The following ATXN7L1 variants were observed in gnomAD, a reference collection of about 807,000 sequenced individuals.
ATXN7L1 encodes ataxin-7-like protein 1.
A neutral mutation model predicts 70.8 loss-of-function variants in ATXN7L1; 15 were observed. That is an observed-to-expected ratio of 0.21 (90% CI 0.14 to 0.33). The LOEUF (loss-of-function observed/expected upper bound fraction) is 0.33, where lower values mean the gene tolerates loss of function less well. ATXN7L1 is among the 10% of genes least tolerant of loss of function. The pLI, the probability that ATXN7L1 is intolerant of heterozygous loss-of-function variation, is 1.00. For synonymous variants in ATXN7L1, 440 were observed against 445.1 expected, an observed-to-expected ratio of 0.99 and a Z score of 0.14; for missense variants, 975 against 1,097.1, an observed-to-expected ratio of 0.89 and a Z score of 1.57.
rs191211726 is a variant in ATXN7L1 at position 105,855,592 on chromosome 7, G to C, written c.250+20220C>G. Among the ~76,000 whole-genome samples the C allele has an allele frequency of 8.5e-5, 13 of 152,166 alleles. No homozygotes were observed. In the East Asian group the frequency reaches 2.3e-3, roughly 27 times the overall value. On this transcript the variant is annotated intron_variant, in intron 2 of 11. Coordinates refer to ENST00000419735, the MANE Select transcript of ATXN7L1 (RefSeq NM_020725.2). The stretch of plus-strand genomic sequence containing the variant: ...TCAGGGCATGATTTATTATTTTTTT[G>C]ATTATCAAAATTTAAGAAAGTGATG...
chr7:105,834,882 A>G (rs1812134847), intron 2 of ATXN7L1, among the ~76,000 whole-genome samples: 1 of 152,072 alleles, frequency 6.6e-6, no homozygotes, highest in South Asian at 2.1e-4. Flanking sequence ...CTGCAGACGA[A>G]ACGCAATCTA....
chr7:105,762,589 G>T (rs1800695853), intron 3 of ATXN7L1, among the ~76,000 whole-genome samples: 1 of 152,096 alleles, frequency 6.6e-6, no homozygotes, highest in African/African-American at 2.4e-5. Flanking sequence ...GCCCAATCAG[G>T]TGCATCCCTA....
chr7:105,870,565 TTCTG>T (rs1023370980), intron 2 of ATXN7L1, among the ~76,000 whole-genome samples: 37 of 152,324 alleles, frequency 2.4e-4, no homozygotes, highest in African/African-American at 8.4e-4. Context: ...CCTTATTCTT[TTCTG>T]TCTTATAGTT....
intron 3 of ATXN7L1, among the ~76,000 whole-genome samples, chr7:105,764,178 A>T (rs1259009672): frequency 1.3e-5 from 2 of 152,176 alleles, no homozygotes; most frequent in Non-Finnish European, 1.5e-5. Flanking sequence ...AAAACAAAAA[A>T]ATCCAGGTAG....
At chr7:105,823,916 T>G (rs563638588) in intron 2 of ATXN7L1, among the ~76,000 whole-genome samples, 8 of 152,078 alleles carry the variant, frequency 5.3e-5, no homozygotes, top group African/African-American at 1.7e-4. Context: ...GCAGGGGTAA[T>G]GTGAGGGGAG....
chr7:105,754,064 T>C (rs902945822), intron 3 of ATXN7L1, among the ~76,000 whole-genome samples: 6 of 152,136 alleles, frequency 3.9e-5, no homozygotes, highest in Non-Finnish European at 8.8e-5. Flanking sequence ...TAGCACAAAT[T>C]AGACAATCTG....
At chr7:105,832,521 T>G (rs1811758439) in intron 2 of ATXN7L1, among the ~76,000 whole-genome samples, 1 of 152,216 alleles carries the variant, frequency 6.6e-6, no homozygotes, top group Non-Finnish European at 1.5e-5. Flanking sequence ...TTCCAAAGTC[T>G]GAATAATTCT....
At position 105,614,249 on chromosome 7, in the gene ATXN7L1, A is replaced by G; in HGVS notation, c.2085T>C (p.Tyr695=). The G allele has an allele frequency of 6.4e-7, 1 of 1,551,758 alleles. No individual in the cohort carries two copies. Among genetic ancestry groups the G allele is most frequent in the East Asian group, 2.4e-5 (1 of 40,916 alleles). Residue 695 remains tyrosine (Y), a synonymous_variant, in exon 10 of 12, where the codon TAT becomes TAC. Transcript: ENST00000419735. This position sits in a 1 kb window ranked among gnomAD's most constrained non-coding sequence, Gnocchi z 4.3. ...TTGAGTTGTGCACAGACAGGCTGTT[A>G]TAGGGAGGGGCCGCCTGATAGGAGT... ...ALNSYQAAPP[Y]NSLSVHNSNN... is the part of the protein sequence containing the mutation.
intron 3 of ATXN7L1, chr7:105,760,357 A>G: frequency 1.1e-6 from 1 of 916,894 alleles, no homozygotes; most frequent in South Asian, 5.0e-5. Context: ...ATTATTTTAT[A>G]TATGAGGAAA....
chr7:105,693,550 T>A (rs1226364679), intron 3 of ATXN7L1, among the ~76,000 whole-genome samples: 3 of 103,680 alleles, frequency 2.9e-5, no homozygotes, highest in Non-Finnish European at 6.1e-5. Context: ...CATCCATCCA[T>A]CCATCCATCC....
chr7:105,651,194 CAT>C (rs939091981), intron 4 of ATXN7L1, among the ~76,000 whole-genome samples: 1 of 152,216 alleles, frequency 6.6e-6, no homozygotes, highest in African/African-American at 2.4e-5. Context: ...CCCACACAAA[CAT>C]ATGTGGCTGC....
intron 9 of ATXN7L1, among the ~76,000 whole-genome samples, chr7:105,619,544 TTTTTTTTTTTTTTTTTTTTTTTTA>T (rs1794620745): frequency 7.1e-5 from 1 of 14,122 alleles, no homozygotes; most frequent in Non-Finnish European, 1.6e-4. Context: ...TTTTTTTTTT[TTTTTTTTTTTTTTTTTTTTTTTTA>T]AGAGAGAGGG....
chr7:105,774,970 T>C (rs1018647131), intron 3 of ATXN7L1, among the ~76,000 whole-genome samples: 1 of 152,112 alleles, frequency 6.6e-6, no homozygotes, highest in East Asian at 1.9e-4. Flanking sequence ...AAGACATCTG[T>C]AGTTCCAGCA....
chr7:105,744,436 G>A (rs1798349407), intron 3 of ATXN7L1, among the ~76,000 whole-genome samples: 1 of 151,962 alleles, frequency 6.6e-6, no homozygotes, highest in African/African-American at 2.4e-5. Context: ...TTTTTTTTAG[G>A]GGAATATTCA....
At chr7:105,660,013 G>A (rs971321739) in intron 4 of ATXN7L1, among the ~76,000 whole-genome samples, 4 of 151,736 alleles carry the variant, frequency 2.6e-5, no homozygotes, top group African/African-American at 9.7e-5. Flanking sequence ...GAAGCGGCAG[G>A]ACCACAACTC....
chr7:105,832,389 G>T (rs1452853964), intron 2 of ATXN7L1, among the ~76,000 whole-genome samples: 1 of 152,168 alleles, frequency 6.6e-6, no homozygotes, highest in African/African-American at 2.4e-5. Context: ...GAACTAATGT[G>T]AGGCTATTTC....
chr7:105,766,309 G>T (rs1395176434), intron 3 of ATXN7L1, among the ~76,000 whole-genome samples: 1 of 152,072 alleles, frequency 6.6e-6, no homozygotes, highest in Non-Finnish European at 1.5e-5. Context: ...TGCGTGCAAC[G>T]TGAAGGAAAC....
intron 2 of ATXN7L1, among the ~76,000 whole-genome samples, chr7:105,832,064 G>A (rs900150847): frequency 5.9e-5 from 9 of 152,144 alleles, no homozygotes; most frequent in African/African-American, 2.2e-4. Context: ...TATATTGGAA[G>A]GCTGCATGGA....
intron 8 of ATXN7L1, among the ~76,000 whole-genome samples, chr7:105,622,561 C>G (rs1175603132): frequency 6.6e-6 from 1 of 152,206 alleles, no homozygotes; most frequent in Non-Finnish European, 1.5e-5. Flanking sequence ...CTTTTCCTTG[C>G]TAACAGAACC....
Sources: allele counts gnomAD v4.1 joint callset (sites outside exome capture counted in the v4.1 genomes callset), GRCh38; gene constraint gnomAD v4.1.1; non-coding constraint Gnocchi (gnomAD v3.1); transcripts MANE v1.5; gene names NCBI Gene and HGNC (gene_info 2026-07-23, HGNC 2026-07-21).